RANBP2: variants seen among roughly 807,000 people sequenced by gnomAD.
RANBP2 encodes E3 SUMO-protein ligase RanBP2.
RANBP2 carries 57 observed loss-of-function variants against 303.6 expected under a neutral mutation model. The ratio of observed to expected loss-of-function variants is 0.19; its 90% CI spans 0.15 to 0.23. RANBP2 has a LOEUF of 0.23. Ranked by LOEUF, RANBP2 falls within the 10% of genes least tolerant of loss-of-function variation. The pLI is 1.00. For missense variants in RANBP2, 3,138 were observed against 3,780.8 expected (o/e 0.83, Z 4.46); for synonymous variants, 1,167 against 1,301.5 (o/e 0.90, Z 2.23).
the RANBP2 span, among the ~76,000 whole-genome samples, chr2:109,205,781 C>T: frequency 8.5e-5 from 13 of 152,200 alleles, no homozygotes; most frequent in Admixed American, 2.6e-4. Flanking sequence ...AGCAGCCTCC[C>T]TGAAGCAGCG....
chr2:109,414,190 A>G, the RANBP2 span, among the ~76,000 whole-genome samples: 2 of 152,144 alleles, frequency 1.3e-5, no homozygotes, highest in African/African-American at 2.4e-5. Context: ...AGGCCACTGC[A>G]CCGTCTACCC....
At chr2:109,372,532 C>G in the RANBP2 span, among the ~76,000 whole-genome samples, 2 of 152,234 alleles carry the variant, frequency 1.3e-5, no homozygotes, top group Non-Finnish European at 2.9e-5. Flanking sequence ...CTCATTTAAT[C>G]TTCTCAGCAA....
chr2:109,181,162 T>A, the RANBP2 span, among the ~76,000 whole-genome samples: 1 of 152,208 alleles, frequency 6.6e-6, no homozygotes, highest in Non-Finnish European at 1.5e-5. Flanking sequence ...GGTGTTGGAC[T>A]TCTGTGTCAG....
chr2:108,851,335 C>T, the RANBP2 span, among the ~76,000 whole-genome samples: 2 of 151,992 alleles, frequency 1.3e-5, no homozygotes, highest in African/African-American at 2.4e-5. Flanking sequence ...GAGTTTTGCT[C>T]TTGTTGCCCA....
chr2:109,703,738 T>C, the RANBP2 span, among the ~76,000 whole-genome samples: 1 of 152,230 alleles, frequency 6.6e-6, no homozygotes, highest in Non-Finnish European at 1.5e-5. Flanking sequence ...CTATTTTCTG[T>C]ATTTTAATTT....
chr2:108,984,828 T>TGGCATGTAGCAGATGCCC, the RANBP2 span, among the ~76,000 whole-genome samples: 1 of 152,176 alleles, frequency 6.6e-6, no homozygotes, highest in East Asian at 1.9e-4. Context: ...GCATGGTGCC[T>TGGCATGTAGCAGATGCCC]GGCATGTAGC....
At chr2:109,349,048 G>C in the RANBP2 span, among the ~76,000 whole-genome samples, 1 of 151,650 alleles carries the variant, frequency 6.6e-6, no homozygotes, top group African/African-American at 2.4e-5. Context: ...ACACACACAC[G>C]CACAGAGTTG....
the RANBP2 span, among the ~76,000 whole-genome samples, chr2:109,257,251 G>A: frequency 2.0e-5 from 3 of 152,128 alleles, no homozygotes; most frequent in East Asian, 1.9e-4. Context: ...CATGTTGTTC[G>A]TTCTGTGGCC....
At chr2:109,397,616 G>A in the RANBP2 span, among the ~76,000 whole-genome samples, 8 of 152,300 alleles carry the variant, frequency 5.3e-5, no homozygotes, top group East Asian at 1.6e-3. Flanking sequence ...CACAGATGGT[G>A]AACTGACCTA....
the RANBP2 span, among the ~76,000 whole-genome samples, chr2:108,898,058 T>A: frequency 6.6e-6 from 1 of 152,146 alleles, no homozygotes; most frequent in African/African-American, 2.4e-5. Flanking sequence ...AAGTCTTCTG[T>A]CTCTAGTCAG....
chr2:109,625,352 C>T, the RANBP2 span, among the ~76,000 whole-genome samples: 1 of 151,938 alleles, frequency 6.6e-6, no homozygotes, highest in Non-Finnish European at 1.5e-5. Flanking sequence ...ATGTATAAAG[C>T]AGTTAAAAAT....
At chr2:109,429,311 A>G in the RANBP2 span, among the ~76,000 whole-genome samples, 392 of 152,306 alleles carry the variant, frequency 2.6e-3, 6 homozygotes, top group African/African-American at 8.9e-3. Context: ...CGAGGCACCC[A>G]GAGGAAAAAA....
the RANBP2 span, among the ~76,000 whole-genome samples, chr2:109,499,273 A>G: frequency 8.8e-4 from 133 of 151,942 alleles, no homozygotes; most frequent in Middle Eastern, 3.4e-3. Flanking sequence ...CTGGTTATTG[A>G]GTGCCTTCGC....
the RANBP2 span, among the ~76,000 whole-genome samples, chr2:109,124,998 G>A: frequency 6.6e-6 from 1 of 152,324 alleles, no homozygotes; most frequent in African/African-American, 2.4e-5. Flanking sequence ...TTGATTTAAC[G>A]AAAAAGAAAC....
the RANBP2 span, among the ~76,000 whole-genome samples, chr2:109,201,020 G>A: frequency 6.6e-6 from 1 of 152,202 alleles, no homozygotes; most frequent in Non-Finnish European, 1.5e-5. Flanking sequence ...CTAAGTGGCT[G>A]TGGGGACCTG....
At chr2:109,448,561 G>A in the RANBP2 span, among the ~76,000 whole-genome samples, 5 of 152,154 alleles carry the variant, frequency 3.3e-5, no homozygotes, top group African/African-American at 4.8e-5. Context: ...TAGGTTGCAC[G>A]CTCCTTATGA....
the RANBP2 span, among the ~76,000 whole-genome samples, chr2:109,604,227 C>G: frequency 5.3e-5 from 8 of 149,906 alleles, no homozygotes; most frequent in Admixed American, 4.0e-4. Flanking sequence ...GCCTGTAATC[C>G]CAGCAACTTG....
At chr2:109,351,422 G>A in the RANBP2 span, among the ~76,000 whole-genome samples, 1 of 152,254 alleles carries the variant, frequency 6.6e-6, no homozygotes, top group African/African-American at 2.4e-5. Flanking sequence ...GCCTAGGGCT[G>A]GGAGTGCAGG....
At chr2:109,282,622 C>T in the RANBP2 span, among the ~76,000 whole-genome samples, 2 of 152,216 alleles carry the variant, frequency 1.3e-5, no homozygotes, top group African/African-American at 2.4e-5. Context: ...CTCCACCTCT[C>T]GCCTCCGTGG....
Sources: allele counts gnomAD v4.1 joint callset (sites outside exome capture counted in the v4.1 genomes callset), GRCh38; gene constraint gnomAD v4.1.1; transcripts MANE v1.5; gene names NCBI Gene and HGNC (gene_info 2026-07-23, HGNC 2026-07-21).